Variants in ADARB2 observed in about 807,000 individuals in gnomAD.
The protein encoded by ADARB2 is adenosine deaminase RNA specific B2 (inactive), also known as inactive double-stranded RNA-specific editase B2.
Under a neutral mutation model 62.2 loss-of-function variants are expected in ADARB2, and 25 were observed. That is an observed-to-expected ratio of 0.40 (90% confidence interval 0.29 to 0.56). ADARB2 has a LOEUF of 0.56. Ranked by LOEUF, ADARB2 falls within the 20% of genes least tolerant of loss-of-function variation. ADARB2 has a pLI of 0.43. For synonymous variants in ADARB2, 572 were observed against 500.8 expected, an observed-to-expected ratio of 1.14 and a Z score of -1.90; for missense variants, 1,071 against 1,077.4, an observed-to-expected ratio of 0.99 and a Z score of 0.08.
chr10:1,354,011 G>A (rs1366685841), intron 3 of ADARB2, among the ~76,000 whole-genome samples: 2 of 151,932 alleles, frequency 1.3e-5, no homozygotes, highest in African/African-American at 4.8e-5. Context: ...AATTCTACAG[G>A]ACTATTCCAC....
intron 6 of ADARB2, among the ~76,000 whole-genome samples, chr10:1,224,225 G>A (rs1703217932): frequency 6.6e-6 from 1 of 152,150 alleles, no homozygotes; most frequent in Non-Finnish European, 1.5e-5. Flanking sequence ...GGTGTTTGTA[G>A]TATTCTCTGA....
intron 1 of ADARB2, among the ~76,000 whole-genome samples, chr10:1,664,085 C>A (rs1445078662): frequency 2.0e-5 from 3 of 152,192 alleles, no homozygotes; most frequent in Non-Finnish European, 2.9e-5. Flanking sequence ...TGTTTTCACG[C>A]CTGTGGGTCA....
At chr10:1,273,890 G>A (rs1213095149) in intron 3 of ADARB2, among the ~76,000 whole-genome samples, 1 of 152,228 alleles carries the variant, frequency 6.6e-6, no homozygotes, top group African/African-American at 2.4e-5. Flanking sequence ...CTGGGACCGG[G>A]TGACGGGTGG....
intron 3 of ADARB2, among the ~76,000 whole-genome samples, chr10:1,345,566 T>G (rs1049129885): frequency 6.6e-6 from 1 of 152,202 alleles, no homozygotes; most frequent in Non-Finnish European, 1.5e-5. Context: ...CCCAGCCTCA[T>G]GCACACGGCT....
intron 2 of ADARB2, among the ~76,000 whole-genome samples, chr10:1,369,896 CGTT>C (rs1832352706): frequency 6.6e-6 from 1 of 152,206 alleles, no homozygotes; most frequent in African/African-American, 2.4e-5. Context: ...TGAATGGACT[CGTT>C]GTCTCTGGGG....
chr10:1,475,148 G>A (rs1333176801), intron 1 of ADARB2, among the ~76,000 whole-genome samples: 1 of 152,034 alleles, frequency 6.6e-6, no homozygotes, highest in African/African-American at 2.4e-5. Flanking sequence ...GGACCCCCGG[G>A]GAGGGTCCGG....
intron 3 of ADARB2, among the ~76,000 whole-genome samples, chr10:1,282,070 A>G (rs1177364402): frequency 6.6e-6 from 1 of 152,170 alleles, no homozygotes; most frequent in African/African-American, 2.4e-5. Flanking sequence ...TGGGGTCCCC[A>G]CAGGTTGGCA....
In ADARB2 at chr10:1,660,525, A is replaced by G. The variant is rs553456258; in HGVS notation, c.100+76526T>C. 4.6e-5 allele frequency among the ~76,000 whole-genome samples: 7 copies of G among 152,318 alleles called. No homozygotes were observed. In the East Asian group the frequency reaches 1.4e-3, roughly 29 times the overall value. On this transcript the variant is annotated intron_variant, in intron 1 of 9. Coordinates refer to ENST00000381312, the MANE Select transcript of ADARB2 (RefSeq NM_018702.4). Reference sequence around the variant, plus strand: ...GGGTAAAGAAGGAACGAATAGCTCCAGTATCTGGGGCTCCAGAGCCCCTGG... The same window carrying G: ...GGGTAAAGAAGGAACGAATAGCTCCGGTATCTGGGGCTCCAGAGCCCCTGG...
At chr10:1,366,259 T>A (rs1384062201) in intron 2 of ADARB2, among the ~76,000 whole-genome samples, 2 of 152,112 alleles carry the variant, frequency 1.3e-5, no homozygotes, top group Admixed American at 6.6e-5. Flanking sequence ...CCAGCTGGGG[T>A]GATGAATGCA....
At chr10:1,595,959 T>C (rs1229696329) in intron 1 of ADARB2, among the ~76,000 whole-genome samples, 8 of 152,230 alleles carry the variant, frequency 5.3e-5, no homozygotes. Context: ...TCTCCAGGTG[T>C]GTGCTTCACA....
intron 1 of ADARB2, among the ~76,000 whole-genome samples, chr10:1,733,910 G>T (rs1237723265): frequency 1.3e-5 from 2 of 152,034 alleles, no homozygotes; most frequent in Non-Finnish European, 2.9e-5. Flanking sequence ...TGAGGCAGGC[G>T]CGGGACACAC....
chr10:1,319,987 G>A (rs1408344194), intron 3 of ADARB2, among the ~76,000 whole-genome samples: 1 of 152,214 alleles, frequency 6.6e-6, no homozygotes. Context: ...CCAGCAGTGT[G>A]TGCACATAAC....
At chr10:1,350,524 C>T (rs1316665494) in intron 3 of ADARB2, among the ~76,000 whole-genome samples, 1 of 152,188 alleles carries the variant, frequency 6.6e-6, no homozygotes, top group African/African-American at 2.4e-5. Context: ...CTCTCCCCCA[C>T]CTGCCCAGCA....
intron 1 of ADARB2, among the ~76,000 whole-genome samples, chr10:1,609,076 C>T (rs1253705035): frequency 6.6e-6 from 1 of 152,202 alleles, no homozygotes; most frequent in African/African-American, 2.4e-5. Context: ...GCGAAGATCT[C>T]AGGAGCAATG....
chr10:1,470,335 G>T (rs146030998), intron 1 of ADARB2, among the ~76,000 whole-genome samples: 1 of 152,206 alleles, frequency 6.6e-6, no homozygotes, highest in Non-Finnish European at 1.5e-5. Context: ...CAGTACACAC[G>T]TCTTTCCATA....
At chr10:1,295,369 C>T (rs532888567) in intron 3 of ADARB2, among the ~76,000 whole-genome samples, 21 of 152,258 alleles carry the variant, frequency 1.4e-4, no homozygotes, top group Admixed American at 7.8e-4. Flanking sequence ...ATTTACATCC[C>T]AGGCATGTGT....
chr10:1,414,815 T>C (rs1399184436), intron 1 of ADARB2, among the ~76,000 whole-genome samples: 2 of 152,150 alleles, frequency 1.3e-5, no homozygotes, highest in African/African-American at 2.4e-5. Flanking sequence ...CCAACACAGA[T>C]GGACAGAAGG....
rs756645955 is a variant in ADARB2, at chr10:1,373,332, C to CCA, written c.187+5740_187+5741dup. Among the ~76,000 whole-genome samples, 186 of 150,344 alleles carry CCA rather than the reference C, an allele frequency of 1.2e-3. 1 individual carries two copies. The highest frequency in any genetic ancestry group is 3.4e-3 in the African/African-American group (141 of 41,022). ...CTCTGACACACACACACACACCCAC[C>CCA]CACACACACACACACGCGCGTCTTG... On this transcript the variant is annotated intron_variant, in intron 2 of 9. Coordinates refer to ENST00000381312, the MANE Select transcript of ADARB2 (RefSeq NM_018702.4).
chr10:1,502,322 G>A (rs893104331), intron 1 of ADARB2, among the ~76,000 whole-genome samples: 1 of 152,172 alleles, frequency 6.6e-6, no homozygotes, highest in Non-Finnish European at 1.5e-5. Context: ...TAAGTTTTGT[G>A]CACCCACACC....
Sources: gnomAD v4.1 joint callset for allele counts (sites outside exome capture counted in the v4.1 genomes callset) on GRCh38, gnomAD v4.1.1 for gene constraint, MANE v1.5 for transcripts, NCBI Gene and HGNC (gene_info 2026-07-23, HGNC 2026-07-21) for gene names.